The following RBFOX1 variants were observed in gnomAD, a reference collection of about 807,000 sequenced individuals.
RBFOX1 encodes the protein RNA binding protein fox-1 homolog 1.
A neutral mutation model predicts 57.7 loss-of-function variants in RBFOX1; 8 were observed. The ratio of observed to expected loss-of-function variants is 0.14; its 90% CI spans 0.08 to 0.25. RBFOX1 has a LOEUF of 0.25. Among genes scored for constraint, RBFOX1 ranks in the 10% least tolerant of loss-of-function variants. The probability of loss-of-function intolerance (pLI) is 1.00; values close to 1 mark genes in which losing one functional copy is unlikely to be tolerated. For synonymous variants in RBFOX1, 326 were observed against 222.4 expected, an observed-to-expected ratio of 1.47 and a Z score of -4.15; for missense variants, 611 against 548.5, an observed-to-expected ratio of 1.11 and a Z score of -1.14.
chr16:5,362,372 A>AT (rs1486228591), intron 1 of RBFOX1, among the ~76,000 whole-genome samples: 4 of 149,270 alleles, frequency 2.7e-5, no homozygotes, highest in Non-Finnish European at 5.9e-5. Flanking sequence ...TGTATCCTTT[A>AT]TTTTTTTGAG....
chr16:6,903,607 A>G (rs2069019253), intron 3 of RBFOX1, among the ~76,000 whole-genome samples: 1 of 152,320 alleles, frequency 6.6e-6, no homozygotes, highest in Non-Finnish European at 1.5e-5. Context: ...GGGAGGTTTC[A>G]GTCAACCTGT....
intron 3 of RBFOX1, among the ~76,000 whole-genome samples, chr16:5,841,157 A>G (rs1018547947): frequency 5.3e-5 from 8 of 152,192 alleles, no homozygotes; most frequent in Admixed American, 4.6e-4. Context: ...AGATTATTGC[A>G]TGGAATCATC....
chr16:6,584,510 G>C (rs1427063634), intron 2 of RBFOX1, among the ~76,000 whole-genome samples: 4 of 151,760 alleles, frequency 2.6e-5, no homozygotes, highest in Admixed American at 2.0e-4. Flanking sequence ...TGGGATTACT[G>C]CCCTTCCCCA....
At chr16:6,087,247 G>A (rs770467220) in intron 1 of RBFOX1, among the ~76,000 whole-genome samples, 4 of 152,220 alleles carry the variant, frequency 2.6e-5, no homozygotes, top group Non-Finnish European at 5.9e-5. Context: ...ACGAAAAGGT[G>A]TTTCCTTAGG....
At chr16:7,654,277 T>C (rs1289723721) in intron 12 of RBFOX1, among the ~76,000 whole-genome samples, 2 of 152,190 alleles carry the variant, frequency 1.3e-5, no homozygotes, top group Admixed American at 6.5e-5. Context: ...CATCTGGTTA[T>C]TAAGGAGGTT....
intron 1 of RBFOX1, among the ~76,000 whole-genome samples, chr16:6,055,420 C>T (rs577652770): frequency 4.6e-5 from 7 of 151,562 alleles, no homozygotes; most frequent in Admixed American, 1.3e-4. Flanking sequence ...TGGTGAGACC[C>T]CATCTCTACT....
At chr16:7,318,983 A>G (rs535140314) in intron 4 of RBFOX1, among the ~76,000 whole-genome samples, 2 of 152,318 alleles carry the variant, frequency 1.3e-5, no homozygotes, top group African/African-American at 4.8e-5. Context: ...GAGTATGGGA[A>G]CATATGGGAT....
intron 5 of RBFOX1, among the ~76,000 whole-genome samples, chr16:7,541,611 G>C (rs1186274549): frequency 1.3e-5 from 2 of 152,120 alleles, no homozygotes; most frequent in Non-Finnish European, 2.9e-5. Context: ...TGTAGGTTTG[G>C]TGTTTTGTCT....
chr16:5,869,641 G>C (rs1198354098), intron 4 of RBFOX1, among the ~76,000 whole-genome samples: 1 of 152,078 alleles, frequency 6.6e-6, no homozygotes, highest in East Asian at 1.9e-4. Flanking sequence ...ACCACCTCGT[G>C]ATCTGCCCTC....
At chr16:6,651,277 C>T (rs548080192) in intron 2 of RBFOX1, among the ~76,000 whole-genome samples, 3 of 152,216 alleles carry the variant, frequency 2.0e-5, no homozygotes, top group Non-Finnish European at 4.4e-5. Flanking sequence ...GAGAGCATGG[C>T]CAGGCTACAG....
At chr16:6,083,640 C>A (rs925734204) in intron 1 of RBFOX1, among the ~76,000 whole-genome samples, 2 of 152,174 alleles carry the variant, frequency 1.3e-5, no homozygotes, top group Admixed American at 1.3e-4. Flanking sequence ...CCACGCCCAG[C>A]TAATTTTTTA....
Position 6,778,643 on chromosome 16 carries a change from G to A in RBFOX1, c.-16+123993G>A, listed in dbSNP as rs906071668. 4.6e-5 allele frequency among the ~76,000 whole-genome samples: 7 copies of A among 152,040 alleles called. 1 individual carries two copies. Among genetic ancestry groups the A allele is most frequent in the Admixed American group, 3.9e-4 (6 of 15,266 alleles). On this transcript the variant is annotated intron_variant, in intron 3 of 15. Coordinates refer to ENST00000550418, the MANE Select transcript of RBFOX1 (RefSeq NM_018723.4). ...TAGTTAATATGGCTAGAGTTCCTTAGTCTATAAAGAGTAAAGAACTTTCCA... is the reference window on the plus strand; with the variant it reads ...TAGTTAATATGGCTAGAGTTCCTTAATCTATAAAGAGTAAAGAACTTTCCA...
Position 6,888,908 on chromosome 16 carries a change from A to T in RBFOX1, c.-15-163149A>T, listed in dbSNP as rs76940682. On this transcript the variant is annotated intron_variant, in intron 3 of 15. Coordinates refer to ENST00000550418, the MANE Select transcript of RBFOX1 (RefSeq NM_018723.4). Reference sequence around the variant, plus strand: ...AAGAATTATTTTAGCATCTGAATTCATTCTCCTGCCAAGCAGATAGAAACC... The same window carrying T: ...AAGAATTATTTTAGCATCTGAATTCTTTCTCCTGCCAAGCAGATAGAAACC... 7.6e-4 allele frequency among the ~76,000 whole-genome samples: 116 copies of T among 152,266 alleles called. No homozygotes were observed. In the East Asian group the frequency reaches 0.015, roughly 19 times the overall value.
intron 4 of RBFOX1, among the ~76,000 whole-genome samples, chr16:5,893,360 A>T (rs1424539247): frequency 6.6e-6 from 1 of 152,242 alleles, no homozygotes; most frequent in Non-Finnish European, 1.5e-5. Context: ...CTAGCATAAC[A>T]GGGAGACTAT....
intron 2 of RBFOX1, among the ~76,000 whole-genome samples, chr16:6,501,059 C>A (rs1300485838): frequency 6.6e-6 from 1 of 151,334 alleles, no homozygotes; most frequent in Non-Finnish European, 1.5e-5. Context: ...GGAGTCTGCC[C>A]CTGGACCCTA....
chr16:6,106,844 C>G (rs1041955080), intron 1 of RBFOX1, among the ~76,000 whole-genome samples: 2 of 151,360 alleles, frequency 1.3e-5, no homozygotes, highest in African/African-American at 2.4e-5. Context: ...ATTTTTTTTT[C>G]GGATTTCTAG....
Position 6,774,134 on chromosome 16 carries a change from A to G in RBFOX1, c.-16+119484A>G, listed in dbSNP as rs1603619613. 1.8e-5 allele frequency: 8 copies of G among 447,786 alleles called. 1 individual carries two copies. The Middle Eastern group carries it at 3.5e-3, about 197-fold the overall frequency. The allele number at this position is 447,786 out of a possible 1,614,324, so 27.7% of individuals were successfully genotyped here. A position where few individuals can be genotyped will look rare whatever the true frequency, so the allele number is the denominator to read the frequency against. On this transcript the variant is annotated intron_variant, in intron 3 of 15. Coordinates refer to ENST00000550418, the MANE Select transcript of RBFOX1 (RefSeq NM_018723.4). ...TGTAAAATACCAAGTTATCGGAACAAAGACCGGCACTCTGGGAAGGCAAAT... is the reference window on the plus strand; with the variant it reads ...TGTAAAATACCAAGTTATCGGAACAGAGACCGGCACTCTGGGAAGGCAAAT...
chr16:6,980,121 C>G (rs555953563), intron 3 of RBFOX1, among the ~76,000 whole-genome samples: 1 of 152,130 alleles, frequency 6.6e-6, no homozygotes, highest in Admixed American at 6.6e-5. Context: ...ACAGGCTGGA[C>G]GTATGTCACC....
chr16:7,445,138 T>A (rs1378258429), intron 4 of RBFOX1, among the ~76,000 whole-genome samples: 2 of 152,076 alleles, frequency 1.3e-5, no homozygotes, highest in Admixed American at 6.6e-5. Context: ...AGGGTGGGGA[T>A]AGTCCCTTTT....
Sources: allele counts gnomAD v4.1 joint callset (sites outside exome capture counted in the v4.1 genomes callset), GRCh38; gene constraint gnomAD v4.1.1; transcripts MANE v1.5; gene names NCBI Gene and HGNC (gene_info 2026-07-23, HGNC 2026-07-21).